Variants in KCNJ6 observed in about 807,000 individuals in gnomAD.
The protein encoded by KCNJ6 is potassium inwardly rectifying channel subfamily J member 6.
Under a neutral mutation model 34.2 loss-of-function variants are expected in KCNJ6, and 9 were observed. That is an observed-to-expected ratio of 0.26 (90% CI 0.16 to 0.46). The LOEUF is 0.46. Among genes scored for constraint, KCNJ6 ranks in the 20% least tolerant of loss-of-function variants. The pLI is 1.00. For missense variants in KCNJ6, 236 were observed against 531.3 expected (o/e 0.44, Z 5.46); for synonymous variants, 196 against 207.1 (o/e 0.95, Z 0.46).
chr21:37,649,288 C>T (rs1041065795), intron 3 of KCNJ6, among the ~76,000 whole-genome samples: 4 of 152,118 alleles, frequency 2.6e-5, no homozygotes, highest in African/African-American at 9.7e-5. Flanking sequence ...GGAATCTTGA[C>T]CTGAGATTTC....
intron 1 of KCNJ6, among the ~76,000 whole-genome samples, chr21:37,890,357 C>T (rs2055756323): frequency 6.6e-6 from 1 of 152,166 alleles, no homozygotes; most frequent in Non-Finnish European, 1.5e-5. Context: ...CAGGTCCCTC[C>T]CATGACTAGT....
chr21:37,699,036 A>T (rs1301452132), intron 3 of KCNJ6, among the ~76,000 whole-genome samples: 1 of 152,204 alleles, frequency 6.6e-6, no homozygotes, highest in East Asian at 1.9e-4. Flanking sequence ...AAAAATCCAA[A>T]GTGAAGAATA....
intron 2 of KCNJ6, among the ~76,000 whole-genome samples, chr21:37,786,555 TCATG>T (rs2055193565): frequency 6.6e-6 from 1 of 152,118 alleles, no homozygotes; most frequent in Non-Finnish European, 1.5e-5. Flanking sequence ...AGGCCAACAG[TCATG>T]AGTGCAGCTA....
At chr21:37,747,154 G>A (rs540761930) in intron 2 of KCNJ6, among the ~76,000 whole-genome samples, 26 of 152,316 alleles carry the variant, frequency 1.7e-4, no homozygotes, top group African/African-American at 6.3e-4. Context: ...GGGTTCAGCA[G>A]ACACAAAGAC....
At chr21:37,641,610 A>G (rs533560136) in intron 3 of KCNJ6, among the ~76,000 whole-genome samples, 3 of 152,174 alleles carry the variant, frequency 2.0e-5, no homozygotes, top group African/African-American at 7.2e-5. Flanking sequence ...TGAATGCCCT[A>G]CAAGCAGAGG....
At chr21:37,662,173 G>A (rs2054492625) in intron 3 of KCNJ6, among the ~76,000 whole-genome samples, 1 of 152,080 alleles carries the variant, frequency 6.6e-6, no homozygotes, top group Admixed American at 6.5e-5. Flanking sequence ...GTGTGCCATG[G>A]TGGTTTGCTG....
chr21:37,640,377 A>G (rs538692034), intron 3 of KCNJ6, among the ~76,000 whole-genome samples: 4 of 152,328 alleles, frequency 2.6e-5, no homozygotes, highest in Non-Finnish European at 5.9e-5. Context: ...TGGGGAAAAC[A>G]ATGACCAGAT....
At chr21:37,713,082 G>T (rs767545361) in intron 3 of KCNJ6, among the ~76,000 whole-genome samples, 1 of 152,118 alleles carries the variant, frequency 6.6e-6, no homozygotes, top group African/African-American at 2.4e-5. Context: ...CACCGTAAAA[G>T]AAATTTGTGA....
At chr21:37,835,570 A>T (rs2055447564) in intron 2 of KCNJ6, among the ~76,000 whole-genome samples, 1 of 152,222 alleles carries the variant, frequency 6.6e-6, no homozygotes, top group South Asian at 2.1e-4. Flanking sequence ...GCAGACCATG[A>T]TTCAGAGCTT....
intron 2 of KCNJ6, among the ~76,000 whole-genome samples, chr21:37,805,789 T>G (rs1212710361): frequency 1.3e-5 from 2 of 152,130 alleles, no homozygotes; most frequent in Non-Finnish European, 2.9e-5. Flanking sequence ...ATGTGTGGTG[T>G]GTGATGACAG....
At chr21:37,849,987 GTGAGTTTCCTGA>G in intron 1 of KCNJ6, among the ~76,000 whole-genome samples, 1 of 152,328 alleles carries the variant, frequency 6.6e-6, no homozygotes, top group Admixed American at 6.5e-5. Context: ...CTGAACAGCT[GTGAGTTTCCTGA>G]CATGAGATGC....
intron 1 of KCNJ6, among the ~76,000 whole-genome samples, chr21:37,876,799 T>A (rs1483739416): frequency 6.6e-6 from 1 of 152,142 alleles, no homozygotes; most frequent in Non-Finnish European, 1.5e-5. Context: ...TCAGAGGGGC[T>A]GTGGGGATAA....
chr21:37,674,482 C>T (rs573007965), intron 3 of KCNJ6, among the ~76,000 whole-genome samples: 2 of 143,888 alleles, frequency 1.4e-5, no homozygotes, highest in African/African-American at 5.2e-5. Context: ...TGACCTCACT[C>T]GCCTCCTCTC....
intron 3 of KCNJ6, among the ~76,000 whole-genome samples, chr21:37,662,178 T>G (rs1294559158): frequency 6.6e-6 from 1 of 152,170 alleles, no homozygotes; most frequent in Non-Finnish European, 1.5e-5. Flanking sequence ...CCATGGTGGT[T>G]TGCTGCATCT....
chr21:37,908,878 A>G (rs565847116), intron 1 of KCNJ6, among the ~76,000 whole-genome samples: 4 of 152,344 alleles, frequency 2.6e-5, no homozygotes, highest in South Asian at 4.1e-4. Flanking sequence ...AGACATTTAT[A>G]TCGGGCATGC....
chr21:37,845,770 TGCCA>T (rs1601498480), intron 1 of KCNJ6, among the ~76,000 whole-genome samples: 1 of 152,192 alleles, frequency 6.6e-6, no homozygotes, highest in East Asian at 1.9e-4. Context: ...GACCCATGGC[TGCCA>T]GCCCCTCAGG....
intron 1 of KCNJ6, among the ~76,000 whole-genome samples, chr21:37,868,317 T>C (rs1304209591): frequency 2.6e-5 from 4 of 152,256 alleles, no homozygotes; most frequent in Non-Finnish European, 5.9e-5. Context: ...TTGTACTGTC[T>C]GGAATATAAT....
At chr21:37,664,691 TAGAA>T (rs1471322620) in intron 3 of KCNJ6, among the ~76,000 whole-genome samples, 2 of 151,504 alleles carry the variant, frequency 1.3e-5, no homozygotes, top group Non-Finnish European at 2.9e-5. Flanking sequence ...AAAGAGTTCA[TAGAA>T]AGAAAATGCT....
chr21:37,743,603 C>T (rs529370760), intron 2 of KCNJ6, among the ~76,000 whole-genome samples: 11 of 152,192 alleles, frequency 7.2e-5, no homozygotes, highest in African/African-American at 2.4e-4. Flanking sequence ...TCCCTCTCAC[C>T]CTCTCTTACC....
Sources: gnomAD v4.1 joint callset for allele counts (sites outside exome capture counted in the v4.1 genomes callset) on GRCh38, gnomAD v4.1.1 for gene constraint, MANE v1.5 for transcripts, NCBI Gene and HGNC (gene_info 2026-07-23, HGNC 2026-07-21) for gene names.